DCAF4: variants seen among roughly 807,000 people sequenced by gnomAD.
The protein encoded by DCAF4 is DDB1 and CUL4 associated factor 4, also known as DDB1- and CUL4-associated factor 4.
In DCAF4, 37 loss-of-function variants were observed where a neutral mutation model predicts 60.9. The observed-to-expected ratio is 0.61, with a 90% CI of 0.47 to 0.80. The LOEUF (loss-of-function observed/expected upper bound fraction) is 0.80. Ranked by LOEUF, DCAF4 falls within the 30% of genes least tolerant of loss-of-function variation. The pLI is 0.00. For missense variants in DCAF4, 577 were observed against 650.0 expected (o/e 0.89, Z 1.22); for synonymous variants, 243 against 254.8 (o/e 0.95, Z 0.44).
At chr14:72,941,611 A>ATT (rs3832968) in intron 4 of DCAF4, 134 bp from the exon 5 acceptor site, 9 of 786,548 alleles carry the variant, frequency 1.1e-5, no homozygotes, top group African/African-American at 7.0e-5. Context: ...ACACCGTCAG[A>ATT]TTTTTATGCA....
intron 6 of DCAF4, among the ~76,000 whole-genome samples, chr14:72,945,404 A>T (rs1416158870): frequency 2.6e-5 from 4 of 151,852 alleles, no homozygotes; most frequent in Non-Finnish European, 4.4e-5. Flanking sequence ...TTAAAAAAAA[A>T]TAGCCTACAT....
rs752579554 is a variant in DCAF4 at position 72,943,085 on chromosome 14, A to C, written c.523A>C (p.Asn175His). The C allele has an allele frequency of 6.2e-7, 1 of 1,614,162 alleles. No individual in the cohort carries two copies. The highest frequency in any genetic ancestry group is 2.2e-5 in the East Asian group (1 of 44,888). ...CTCCGCCTTGGCAAGCGACCGATTT[A>C]ACCTCATACTGGTGAGTGGGAGGGG... ...DPSALASDRF[N>H]LILADTNSDR... is the part of the protein sequence containing the mutation. The change falls in exon 6 of 14, where the codon AAC becomes CAC. Residue 175 changes from asparagine (N) to histidine (H), a missense_variant. Transcript: ENST00000358377.
rs1278982202 is a variant in DCAF4 at position 72,953,723 on chromosome 14, AAAAAAAAAAAT to A, written c.809-439_809-429del. 1.1e-3 allele frequency among the ~76,000 whole-genome samples: 60 copies of A among 53,658 alleles called. 3 individuals are homozygous for A. Among genetic ancestry groups the A allele is most frequent in the Non-Finnish European group, 1.8e-3 (56 of 30,642 alleles). 35.2% of individuals were successfully genotyped at this position (53,658 alleles called of 152,430 possible). A position where few individuals can be genotyped will look rare whatever the true frequency, so the allele number is the denominator to read the frequency against. The stretch of plus-strand genomic sequence containing the variant: ...AGACCCTGTCTTAAAAAAAAAAAAA[AAAAAAAAAAAT>A]ATATATATATATATATATATATATA... On this transcript the variant is annotated intron_variant, in intron 9 of 13. Transcript: ENST00000358377.
chr14:72,954,083 A>G (rs926296852), intron 9 of DCAF4, 81 bp from the exon 10 acceptor site: 40 of 1,444,180 alleles, frequency 2.8e-5, no homozygotes, highest in Non-Finnish European at 3.9e-5. Flanking sequence ...CTATGGGCAT[A>G]TTTGGATGTT....
At chr14:72,945,563 T>A (rs1890625599) in intron 6 of DCAF4, among the ~76,000 whole-genome samples, 2 of 151,998 alleles carry the variant, frequency 1.3e-5, no homozygotes, top group South Asian at 4.1e-4. Context: ...GACACATTCC[T>A]CTGGGTGGAT....
rs17122598 is a variant in DCAF4 at position 72,938,062 on chromosome 14, T to C, written c.84T>C (p.Ser28=). 3.6e-3 allele frequency: 5,805 copies of C among 1,606,600 alleles called. 122 individuals are homozygous for C. The African/African-American group carries it at 0.059, about 16-fold the overall frequency. ...ACCCTTGGTTCAGACTCCGTGATTC[T>C]GAAGACAGGCAAGTGTGCCGCTCTG... The part of the protein sequence containing the change: ...QQNPWFRLRD[S]EDRSDSRAAQ... Residue 28 remains serine, a synonymous_variant, in exon 2 of 14, where the codon TCT becomes TCC. Coordinates refer to ENST00000358377, the MANE Select transcript of DCAF4 (RefSeq NM_015604.4).
At position 72,940,131 on chromosome 14, in the gene DCAF4, C is replaced by T. The variant is rs1039632374; in HGVS notation, c.194-89C>T. On this transcript the variant is annotated intron_variant, in intron 3 of 13. Transcript: ENST00000358377. ...CGCCCTCAGAAAAGACAGGCAGCCACGAGGTGGGGGGACAGGCCACTGGGC... is the reference window on the plus strand; with the variant it reads ...CGCCCTCAGAAAAGACAGGCAGCCATGAGGTGGGGGGACAGGCCACTGGGC... 13 of 1,524,866 alleles carry T rather than the reference C, an allele frequency of 8.5e-6. 1 individual carries two copies. Among genetic ancestry groups the T allele is most frequent in the Admixed American group, 5.5e-5 (3 of 54,342 alleles). 94.5% of individuals were successfully genotyped at this position (1,524,866 alleles called of 1,614,324 possible).
chr14:72,958,539 C>G (rs908561562), intron 13 of DCAF4, 73 bp from the exon 14 acceptor site: 39 of 1,558,134 alleles, frequency 2.5e-5, no homozygotes, highest in Non-Finnish European at 3.4e-5. Flanking sequence ...TCTTGGGAAG[C>G]CATGTCCACA....
chr14:72,938,182 C>T (rs1889555801), intron 2 of DCAF4, 112 bp downstream of exon 2: 1 of 1,400,118 alleles, frequency 7.1e-7, no homozygotes, highest in South Asian at 1.5e-5. Flanking sequence ...CGTCCCAATG[C>T]AGGTTCTGAT....
chr14:72,936,539 G>A (rs1889295652), intron 1 of DCAF4, among the ~76,000 whole-genome samples: 1 of 150,354 alleles, frequency 6.7e-6, no homozygotes, highest in Admixed American at 6.7e-5. Flanking sequence ...ACTCCAGCCT[G>A]GGCAACAGAG....
intron 1 of DCAF4, 178 bp from the exon 2 acceptor site, chr14:72,937,793 T>C (rs971432515): frequency 3.1e-5 from 16 of 517,236 alleles, no homozygotes; most frequent in East Asian, 1.5e-4. Flanking sequence ...GGGAAGGATG[T>C]TGGGGGAGTG....
chr14:72,947,621 G>A (rs1292142315), intron 8 of DCAF4, among the ~76,000 whole-genome samples: 1 of 152,234 alleles, frequency 6.6e-6, no homozygotes, highest in African/African-American at 2.4e-5. Context: ...GCAGAAAGGA[G>A]CAGCACAGCC....
At chr14:72,943,143 G>A in intron 6 of DCAF4, 47 bp downstream of exon 6, 2 of 1,570,490 alleles carry the variant, frequency 1.3e-6, no homozygotes, top group Non-Finnish European at 1.8e-6. Flanking sequence ...GCCACCCTCT[G>A]GACACTTTGT....
chr14:72,960,685 A>G (rs560573737), downstream of DCAF4: 3 of 1,065,164 alleles, frequency 2.8e-6, no homozygotes, highest in African/African-American at 5.1e-5. Context: ...CAACAGGAGA[A>G]GTTGGGCAGA....
At chr14:72,934,902 T>G (rs1381962632) in intron 1 of DCAF4, 1 of 152,206 alleles carries the variant, frequency 6.6e-6, no homozygotes, top group African/African-American at 2.4e-5. Context: ...GGGACTTAAA[T>G]GTAAAGTAGC....
chr14:72,942,657 C>A, intron 5 of DCAF4: 1 of 226,834 alleles, frequency 4.4e-6, no homozygotes, highest in South Asian at 8.4e-5. Context: ...TTCCCAGCAG[C>A]GGAGTGCCCT....
intron 2 of DCAF4, among the ~76,000 whole-genome samples, chr14:72,938,635 G>A (rs1465006426): frequency 2.6e-5 from 4 of 152,148 alleles, no homozygotes; most frequent in Non-Finnish European, 4.4e-5. Flanking sequence ...ATTGCTCCGA[G>A]GCTGCAAACC....
intron 6 of DCAF4, among the ~76,000 whole-genome samples, chr14:72,945,490 T>C (rs557814253): frequency 1.2e-3 from 175 of 145,538 alleles, no homozygotes; most frequent in Non-Finnish European, 2.1e-3. Context: ...AAAAAAAAAA[T>C]AGTGCCTATG....
At chr14:72,950,762 A>C (rs2140282650) in intron 8 of DCAF4, among the ~76,000 whole-genome samples, 1 of 152,270 alleles carries the variant, frequency 6.6e-6, no homozygotes, top group East Asian at 1.9e-4. Context: ...ATAAGCAGAA[A>C]TTTTAAGGGC....
Sources: allele counts gnomAD v4.1 joint callset (sites outside exome capture counted in the v4.1 genomes callset), GRCh38; gene constraint gnomAD v4.1.1; transcripts MANE v1.5; gene names NCBI Gene and HGNC (gene_info 2026-07-23, HGNC 2026-07-21).